The following PCSK5 variants were observed in gnomAD, a reference collection of about 807,000 sequenced individuals.
PCSK5 encodes the protein prohormone convertase 5.
A neutral mutation model predicts 233.2 loss-of-function variants in PCSK5; 129 were observed. The ratio of observed to expected loss-of-function variants is 0.55; its 90% CI spans 0.48 to 0.64. The LOEUF is 0.64. Among genes scored for constraint, PCSK5 ranks in the 30% least tolerant of loss-of-function variants. PCSK5 has a pLI of 0.00. For synonymous variants in PCSK5, 825 were observed against 879.2 expected (o/e 0.94, Z 1.09); for missense variants, 2,076 against 2,430.1 (o/e 0.85, Z 3.06).
chr9:76,156,941 G>T lies in PCSK5; in HGVS notation c.1313-104G>T, dbSNP rs934684189. ...TTATTTCTCAAATCATTGCTGGAAA[G>T]ATAGCTAGGATCCCATAGGGTGGTG... is the stretch of plus-strand genomic sequence containing the variant. On this transcript the variant is annotated intron_variant, in intron 10 of 37. Transcript: ENST00000674117. 8.2e-6 allele frequency: 6 copies of T among 733,066 alleles called. No homozygotes were observed. The East Asian group carries it at 1.5e-4, about 18-fold the overall frequency. The allele number at this position is 733,066 out of a possible 1,614,324, so 45.4% of individuals were successfully genotyped here.
At chr9:76,046,559 C>CTTTTTTTTTTTTTTTTTTTTTTTTTTTTT (rs553542037) in intron 5 of PCSK5, among the ~76,000 whole-genome samples, 1 of 104,808 alleles carries the variant, frequency 9.5e-6, no homozygotes. Flanking sequence ...CTTTCTTTTT[C>CTTTTTTTTTTTTTTTTTTTTTTTTTTTTT]TTTTTTTTTT....
At chr9:76,233,668 G>C in intron 22 of PCSK5, 72 bp downstream of exon 22, 16 of 1,426,910 alleles carry the variant, frequency 1.1e-5, no homozygotes, top group Non-Finnish European at 1.6e-5. Context: ...CATTTGGTTT[G>C]ACCCAAAAGC....
chr9:76,150,231 A>T (rs893145416), intron 10 of PCSK5, among the ~76,000 whole-genome samples: 5 of 152,126 alleles, frequency 3.3e-5, no homozygotes, highest in Non-Finnish European at 1.5e-5. Context: ...GTATCTGGAA[A>T]CTTTCCATGT....
intron 28 of PCSK5, 42 bp from the exon 29 acceptor site, chr9:76,308,603 A>T: frequency 1.7e-6 from 2 of 1,158,750 alleles, no homozygotes; most frequent in Middle Eastern, 1.9e-4. Context: ...CTATGTGCCT[A>T]TTCCAAGGAG....
intron 30 of PCSK5, among the ~76,000 whole-genome samples, chr9:76,315,642 C>CT (rs34118608): frequency 0.24 from 27,056 of 114,322 alleles, 3,362 homozygotes; most frequent in African/African-American, 0.34. Context: ...GAGAAGACTA[C>CT]TTTTTTTTTT....
chr9:75,930,324 GA>G (rs1587377337), intron 1 of PCSK5, among the ~76,000 whole-genome samples: 1 of 152,130 alleles, frequency 6.6e-6, no homozygotes, highest in Non-Finnish European at 1.5e-5. Context: ...ATATCAGCCA[GA>G]GTACAGAAAG....
At chr9:76,021,028 T>C (rs1471286011) in intron 3 of PCSK5, among the ~76,000 whole-genome samples, 1 of 148,292 alleles carries the variant, frequency 6.7e-6, no homozygotes, top group Non-Finnish European at 1.5e-5. Flanking sequence ...ACGGAGGCAT[T>C]TCAGAAATCT....
At chr9:76,144,207 C>T (rs1382056794) in intron 10 of PCSK5, among the ~76,000 whole-genome samples, 1 of 152,116 alleles carries the variant, frequency 6.6e-6, no homozygotes, top group African/African-American at 2.4e-5. Flanking sequence ...TTTCTGAACC[C>T]ACCGGAGGTT....
intron 34 of PCSK5, 135 bp downstream of exon 34, chr9:76,332,745 G>T: frequency 3.0e-6 from 2 of 656,456 alleles, no homozygotes. Flanking sequence ...AAGGAGCAAA[G>T]ATGAACCAAT....
chr9:76,267,899 T>A (rs74792654), intron 24 of PCSK5, among the ~76,000 whole-genome samples: 7,042 of 152,040 alleles, frequency 0.046, 296 homozygotes, highest in African/African-American at 0.11. Flanking sequence ...GCCTTTTTAT[T>A]CAGTAATGCA....
intron 3 of PCSK5, among the ~76,000 whole-genome samples, chr9:75,999,927 G>T (rs1827193580): frequency 1.3e-5 from 2 of 152,278 alleles, no homozygotes; most frequent in South Asian, 4.2e-4. Flanking sequence ...TGACAAACGG[G>T]ATCTAATTAA....
At chr9:76,235,952 G>A (rs747479429) in intron 22 of PCSK5, among the ~76,000 whole-genome samples, 8 of 152,182 alleles carry the variant, frequency 5.3e-5, no homozygotes, top group South Asian at 2.1e-4. Flanking sequence ...TCCTCCAGCC[G>A]GGGTGTCCCA....
intron 24 of PCSK5, among the ~76,000 whole-genome samples, chr9:76,288,538 A>T (rs972206822): frequency 2.0e-5 from 3 of 152,186 alleles, no homozygotes; most frequent in Non-Finnish European, 2.9e-5. Flanking sequence ...ATCACTTGGG[A>T]TCAGGGGTTT....
In PCSK5 at chr9:76,193,455, C is replaced by CTCTT. The variant is rs1322834308; in HGVS notation, c.2626+3715_2626+3718dup. 9 of 852,156 alleles carry CTCTT rather than the reference C, an allele frequency of 1.1e-5. No individual in the cohort carries two copies. In the Admixed American group the frequency reaches 3.1e-4, roughly 29 times the overall value. The allele number at this position is 852,156 out of a possible 1,614,324, so 52.8% of individuals were successfully genotyped here. A position where few individuals can be genotyped will look rare whatever the true frequency, so the allele number is the denominator to read the frequency against. ...AAAAAAAAAAAAGCAAGCCACCTCT[C>CTCTT]TCTTTCTTTTCTTGCTCTCTTTTTC... On this transcript the variant is annotated intron_variant, in intron 20 of 37. Coordinates refer to ENST00000674117, the MANE Select transcript of PCSK5 (RefSeq NM_001372043.1).
chr9:76,157,004 A>G (rs765557602), intron 10 of PCSK5, 41 bp from the exon 11 acceptor site: 5 of 1,378,628 alleles, frequency 3.6e-6, no homozygotes, highest in South Asian at 1.2e-5. Flanking sequence ...AATTTGACCT[A>G]TGTAGCTTAG....
At chr9:76,281,707 G>A (rs1158777162) in intron 24 of PCSK5, among the ~76,000 whole-genome samples, 2 of 152,156 alleles carry the variant, frequency 1.3e-5, no homozygotes, top group African/African-American at 4.8e-5. Context: ...GGAGTACAGT[G>A]GCACACTCTT....
intron 3 of PCSK5, among the ~76,000 whole-genome samples, chr9:76,021,885 T>C (rs766585695): frequency 1.3e-5 from 2 of 152,180 alleles, no homozygotes; most frequent in Non-Finnish European, 2.9e-5. Flanking sequence ...CTTTCTGCCT[T>C]CTGTGCCATT....
At chr9:76,269,994 C>G (rs1324262268) in intron 24 of PCSK5, among the ~76,000 whole-genome samples, 1 of 151,940 alleles carries the variant, frequency 6.6e-6, no homozygotes, top group East Asian at 1.9e-4. Context: ...GATGAATAGG[C>G]AGATTCTTTC....
intron 30 of PCSK5, among the ~76,000 whole-genome samples, chr9:76,316,740 CAAAAA>C (rs58485029): frequency 0.19 from 11,885 of 62,874 alleles, 261 homozygotes; most frequent in African/African-American, 0.22. Context: ...CTTGTCTCAC[CAAAAA>C]AAAAAAAAAA....
Sources: gnomAD v4.1 joint callset for allele counts (sites outside exome capture counted in the v4.1 genomes callset) on GRCh38, gnomAD v4.1.1 for gene constraint, MANE v1.5 for transcripts, NCBI Gene and HGNC (gene_info 2026-07-23, HGNC 2026-07-21) for gene names.